Variants in GALNT13 observed in about 807,000 individuals in gnomAD.
The protein encoded by GALNT13 is polypeptide N-acetylgalactosaminyltransferase 13, also known as UDP-GalNAc:polypeptide N-acetylgalactosaminyltransferase 13.
In GALNT13, 28 loss-of-function variants were observed where a neutral mutation model predicts 64.2. The ratio of observed to expected loss-of-function variants is 0.44; its 90% CI spans 0.32 to 0.60. The LOEUF (loss-of-function observed/expected upper bound fraction) is 0.60, where lower values mean the gene tolerates loss of function less well. Ranked by LOEUF, GALNT13 falls within the 20% of genes least tolerant of loss-of-function variation. The probability of loss-of-function intolerance (pLI) is 0.05; values close to 1 mark genes in which losing one functional copy is unlikely to be tolerated. For missense variants in GALNT13, 577 were observed against 669.8 expected (o/e 0.86, Z 1.53); for synonymous variants, 214 against 224.6 (o/e 0.95, Z 0.42).
chr2:153,530,066 TG>T, the GALNT13 span, among the ~76,000 whole-genome samples: 1 of 151,982 alleles, frequency 6.6e-6, no homozygotes, highest in East Asian at 1.9e-4. Context: ...ATCAGACAAG[TG>T]AAAAATAAAG....
chr2:153,464,024 A>G, the GALNT13 span, among the ~76,000 whole-genome samples: 2 of 152,178 alleles, frequency 1.3e-5, no homozygotes, highest in South Asian at 4.1e-4. Context: ...AGTGGACTTC[A>G]GGTGGAAAAG....
intron 3 of GALNT13, among the ~76,000 whole-genome samples, chr2:154,103,767 C>T (rs2105469727): frequency 6.6e-6 from 1 of 152,218 alleles, no homozygotes; most frequent in African/African-American, 2.4e-5. Context: ...TGGTTATTAT[C>T]TTGTACAGTG....
the GALNT13 span, among the ~76,000 whole-genome samples, chr2:153,788,864 A>G: frequency 1.3e-5 from 2 of 152,334 alleles, no homozygotes; most frequent in East Asian, 3.9e-4. Context: ...AGGGCATTAC[A>G]TAATGGTAAA....
At chr2:153,863,202 T>C in the GALNT13 span, among the ~76,000 whole-genome samples, 3 of 152,194 alleles carry the variant, frequency 2.0e-5, no homozygotes, top group African/African-American at 7.2e-5. Flanking sequence ...ATGTTACATA[T>C]AAATAATTAC....
chr2:153,193,707 C>T, the GALNT13 span, among the ~76,000 whole-genome samples: 5 of 151,564 alleles, frequency 3.3e-5, no homozygotes, highest in African/African-American at 7.3e-5. Context: ...TTTACATTTG[C>T]ATGTGCTTTT....
intron 4 of GALNT13, among the ~76,000 whole-genome samples, chr2:154,161,122 A>C (rs991893061): frequency 2.0e-5 from 3 of 152,062 alleles, no homozygotes; most frequent in African/African-American, 7.2e-5. Flanking sequence ...TTCCTACTTG[A>C]GTTTCTTGAG....
chr2:154,099,891 G>A (rs538849787), intron 3 of GALNT13, among the ~76,000 whole-genome samples: 3 of 152,168 alleles, frequency 2.0e-5, no homozygotes, highest in Admixed American at 6.6e-5. Context: ...AGTGAGCTGT[G>A]TTTTCCACTG....
the GALNT13 span, among the ~76,000 whole-genome samples, chr2:153,822,025 C>T: frequency 6.6e-6 from 1 of 152,044 alleles, no homozygotes; most frequent in Non-Finnish European, 1.5e-5. Flanking sequence ...CTCTCAAGAC[C>T]GAATCAGGAG....
chr2:153,419,584 G>A, the GALNT13 span, among the ~76,000 whole-genome samples: 1 of 152,272 alleles, frequency 6.6e-6, no homozygotes, highest in Admixed American at 6.5e-5. Flanking sequence ...GAGTCCTTGT[G>A]ATGGAACTGT....
chr2:153,658,032 C>A, the GALNT13 span, among the ~76,000 whole-genome samples: 2 of 151,994 alleles, frequency 1.3e-5, no homozygotes, highest in Admixed American at 6.6e-5. Context: ...ATTTCTAGAC[C>A]TTTTCACATA....
the GALNT13 span, among the ~76,000 whole-genome samples, chr2:153,085,458 G>T: frequency 6.6e-6 from 1 of 152,214 alleles, no homozygotes; most frequent in South Asian, 2.1e-4. Context: ...GGGCTGCTGT[G>T]TGCAGCCCTA....
At chr2:154,341,879 G>A (rs949905644) in intron 9 of GALNT13, among the ~76,000 whole-genome samples, 9 of 152,196 alleles carry the variant, frequency 5.9e-5, no homozygotes, top group Middle Eastern at 3.4e-3. Context: ...CAGATGTCAT[G>A]AAATGATTGT....
At chr2:153,977,832 T>C (rs1051959489) in intron 3 of GALNT13, among the ~76,000 whole-genome samples, 8 of 152,220 alleles carry the variant, frequency 5.3e-5, no homozygotes, top group African/African-American at 1.7e-4. Flanking sequence ...ATTAACTTTT[T>C]AATTTTTGAA....
At chr2:153,427,825 A>G in the GALNT13 span, among the ~76,000 whole-genome samples, 1 of 152,108 alleles carries the variant, frequency 6.6e-6, no homozygotes, top group Non-Finnish European at 1.5e-5. Context: ...ATAGCCTCAC[A>G]TATTATATAG....
intron 9 of GALNT13, among the ~76,000 whole-genome samples, chr2:154,374,243 T>A (rs568209256): frequency 8.3e-4 from 127 of 152,332 alleles, no homozygotes; most frequent in African/African-American, 3.0e-3. Context: ...GTAAGCATCA[T>A]TCAAATATTT....
intron 2 of GALNT13, among the ~76,000 whole-genome samples, chr2:153,939,234 C>G (rs1047559098): frequency 7.9e-5 from 12 of 152,114 alleles, no homozygotes; most frequent in African/African-American, 2.9e-4. Flanking sequence ...GAAACAAGAG[C>G]AGGGAGCCAT....
At chr2:153,291,624 A>G in the GALNT13 span, among the ~76,000 whole-genome samples, 1 of 151,974 alleles carries the variant, frequency 6.6e-6, no homozygotes, top group Non-Finnish European at 1.5e-5. Flanking sequence ...GAGATGAAAC[A>G]CAAAGCATCA....
the GALNT13 span, among the ~76,000 whole-genome samples, chr2:153,803,509 G>A: frequency 6.6e-5 from 10 of 151,858 alleles, no homozygotes; most frequent in Non-Finnish European, 1.3e-4. Context: ...TGGCTAACAC[G>A]GTGAAACCCC....
At chr2:154,251,349 A>C (rs1181378000) in intron 7 of GALNT13, among the ~76,000 whole-genome samples, 2 of 152,158 alleles carry the variant, frequency 1.3e-5, no homozygotes, top group African/African-American at 4.8e-5. Flanking sequence ...ATCAGGTCCT[A>C]GGAATTATTA....
Sources: gnomAD v4.1 joint callset for allele counts (sites outside exome capture counted in the v4.1 genomes callset) on GRCh38, gnomAD v4.1.1 for gene constraint, MANE v1.5 for transcripts, NCBI Gene and HGNC (gene_info 2026-07-23, HGNC 2026-07-21) for gene names.